The following SNX29 variants were observed in gnomAD, a reference collection of about 807,000 sequenced individuals.
SNX29 encodes the protein sorting nexin-29.
A neutral mutation model predicts 102.1 loss-of-function variants in SNX29; 78 were observed. That is an observed-to-expected ratio of 0.76 (90% CI 0.64 to 0.92). The LOEUF (loss-of-function observed/expected upper bound fraction) is 0.92, where lower values mean the gene tolerates loss of function less well. Among genes scored for constraint, SNX29 ranks in the 40% least tolerant of loss-of-function variants. The probability of loss-of-function intolerance (pLI) is 0.00; values close to 1 mark genes in which losing one functional copy is unlikely to be tolerated. For synonymous variants in SNX29, 580 were observed against 414.5 expected (o/e 1.40, Z -4.85); for missense variants, 1,280 against 1,061.7 (o/e 1.21, Z -2.86).
rs540749241 is a variant in SNX29 at position 12,491,011 on chromosome 16, C to T, written c.2178+13152C>T. On this transcript the variant is annotated intron_variant, in intron 19 of 20. Transcript: ENST00000566228. The stretch of plus-strand genomic sequence containing the variant: ...TTTTTACAGCTTCACATCAATGATA[C>T]TTATTCTTTATGTAGCCTTTCACAA... Among the ~76,000 whole-genome samples, 5 of 152,330 alleles carry T rather than the reference C, an allele frequency of 3.3e-5. No homozygotes were observed. In the East Asian group the frequency reaches 9.6e-4, roughly 29 times the overall value.
At chr16:12,224,655 A>T (rs1410326256) in intron 14 of SNX29, among the ~76,000 whole-genome samples, 1 of 152,242 alleles carries the variant, frequency 6.6e-6, no homozygotes. Flanking sequence ...TAAAGAGCCT[A>T]CATGTGCAAA....
intron 15 of SNX29, among the ~76,000 whole-genome samples, chr16:12,283,380 C>T (rs1026662658): frequency 4.0e-5 from 6 of 148,420 alleles, no homozygotes; most frequent in South Asian, 2.3e-4. Flanking sequence ...AGTGTAGTGG[C>T]GTGATCTTGG....
At position 12,537,327 on chromosome 16, in the gene SNX29, C is replaced by G. The variant is rs188897193; in HGVS notation, c.2318+12486C>G. Among the ~76,000 whole-genome samples, 335 of 152,330 alleles carry G rather than the reference C, an allele frequency of 2.2e-3. 1 individual carries two copies. Among genetic ancestry groups the G allele is most frequent in the African/African-American group, 7.8e-3 (323 of 41,570 alleles). ...TTAGTATAGTGGCTAAGCCAAAGCT[C>G]TGTTAGTAAATTCCTACAGGAGCTC... On this transcript the variant is annotated intron_variant, in intron 20 of 20. Transcript: ENST00000566228.
chr16:12,208,805 C>A (rs1017854202), intron 14 of SNX29, among the ~76,000 whole-genome samples: 4 of 150,596 alleles, frequency 2.7e-5, no homozygotes, highest in African/African-American at 9.8e-5. Flanking sequence ...CATGCTACTG[C>A]ACTCTAGCTT....
intron 18 of SNX29, among the ~76,000 whole-genome samples, chr16:12,446,237 G>A (rs2151694211): frequency 6.6e-6 from 1 of 152,118 alleles, no homozygotes; most frequent in South Asian, 2.1e-4. Flanking sequence ...TGTATTTTTA[G>A]TAGAGACGGG....
chr16:12,052,001 C>G lies in SNX29; in HGVS notation c.903C>G (p.Val301=). The change falls in exon 8 of 21, where the codon GTC becomes GTG. Residue 301 remains valine, a synonymous_variant. Coordinates refer to ENST00000566228, the MANE Select transcript of SNX29 (RefSeq NM_032167.5). ...SSEDNSDRSS[V]NIMSAFESPF... is the part of the protein sequence containing the mutation. Reference sequence around the variant, plus strand: ...AGGACAACTCCGACCGCTCCTCTGTCAATATCATGTCCGCCTTTGAAAGCC... The same window carrying G: ...AGGACAACTCCGACCGCTCCTCTGTGAATATCATGTCCGCCTTTGAAAGCC... 1 of 1,613,946 alleles carries G rather than the reference C, an allele frequency of 6.2e-7. No homozygotes were observed. The highest frequency in any genetic ancestry group is 2.2e-5 in the East Asian group (1 of 44,882).
intron 15 of SNX29, among the ~76,000 whole-genome samples, chr16:12,284,860 G>T (rs1833839113): frequency 6.6e-6 from 1 of 152,032 alleles, no homozygotes; most frequent in Admixed American, 6.6e-5. Context: ...GAGTAGCTGA[G>T]ATTACAGATG....
intron 20 of SNX29, among the ~76,000 whole-genome samples, chr16:12,567,565 C>G (rs1022339573): frequency 2.0e-5 from 3 of 152,002 alleles, no homozygotes; most frequent in Non-Finnish European, 4.4e-5. Flanking sequence ...AAGAGGATCA[C>G]TTGAGACCAG....
intron 20 of SNX29, among the ~76,000 whole-genome samples, chr16:12,543,436 A>G (rs1477536960): frequency 2.6e-5 from 4 of 152,194 alleles, no homozygotes; most frequent in Non-Finnish European, 5.9e-5. Context: ...TGGGTGGGCA[A>G]ACATATGTTC....
intron 19 of SNX29, among the ~76,000 whole-genome samples, chr16:12,489,050 G>A (rs1036143058): frequency 1.3e-5 from 2 of 152,158 alleles, no homozygotes; most frequent in African/African-American, 4.8e-5. Flanking sequence ...AAAGCCTTCT[G>A]AAAAGACTTA....
intron 1 of SNX29, among the ~76,000 whole-genome samples, chr16:11,981,083 T>C (rs1483483745): frequency 6.6e-6 from 1 of 152,002 alleles, no homozygotes; most frequent in Admixed American, 6.6e-5. Flanking sequence ...TTCTCCTGCC[T>C]CAGCCTCTGG....
intron 15 of SNX29, among the ~76,000 whole-genome samples, chr16:12,341,260 C>T (rs1051086693): frequency 6.6e-6 from 1 of 152,222 alleles, no homozygotes; most frequent in African/African-American, 2.4e-5. Context: ...GACTTCACCA[C>T]TTGTGATTTG....
chr16:12,553,502 C>T (rs1597971675), intron 20 of SNX29, among the ~76,000 whole-genome samples: 1 of 151,612 alleles, frequency 6.6e-6, no homozygotes, highest in Non-Finnish European at 1.5e-5. Context: ...GGCAGGTGCA[C>T]ACTTGCCATC....
At chr16:12,082,391 G>C (rs2051945816) in intron 11 of SNX29, among the ~76,000 whole-genome samples, 1 of 152,140 alleles carries the variant, frequency 6.6e-6, no homozygotes, top group African/African-American at 2.4e-5. Flanking sequence ...TGTCAGCTGC[G>C]TCTCAGGTCC....
chr16:12,173,701 G>A (rs1463416244), intron 13 of SNX29, among the ~76,000 whole-genome samples: 1 of 152,216 alleles, frequency 6.6e-6, no homozygotes, highest in Non-Finnish European at 1.5e-5. Flanking sequence ...TCCAACCTCT[G>A]TGATGCCTGC....
chr16:12,048,512 G>A lies in SNX29; in HGVS notation c.640G>A (p.Val214Met). ...CTTGCTGAAGGAGTCCACGCAAGGA[G>A]TGAGCAGCCTGTTCAGGGAGATCAC... ...TSLLKESTQG[V>M]SSLFREITAS... is the part of the protein sequence containing the mutation. The change falls in exon 7 of 21, where the codon GTG (valine) becomes ATG (methionine). Residue 214 changes from valine to methionine, a missense_variant. Physicochemically the swap from Val to Met is conservative, Grantham distance 21. Transcript: ENST00000566228. The A allele has an allele frequency of 1.2e-6, 2 of 1,613,936 alleles. No individual in the cohort carries two copies. Among genetic ancestry groups the A allele is most frequent in the Non-Finnish European group, 1.7e-6 (2 of 1,179,860 alleles).
In SNX29 at chr16:12,568,700, C is replaced by T. The variant is rs577606233; in HGVS notation, c.*71C>T. On this transcript the variant is annotated 3_prime_UTR_variant, in exon 21 of 21. Coordinates refer to ENST00000566228, the MANE Select transcript of SNX29 (RefSeq NM_032167.5). ...CGTCCACCCCAGCCACTGCCGCTGG[C>T]CCCTCACCTCAGCGTGACAACCACG... is the stretch of plus-strand genomic sequence containing the variant. 7.9e-5 allele frequency: 124 copies of T among 1,565,300 alleles called. No individual in the cohort carries two copies. In the African/African-American group the frequency reaches 1.2e-3, roughly 15 times the overall value.
intron 18 of SNX29, among the ~76,000 whole-genome samples, chr16:12,453,556 T>TC (rs2151724939): frequency 6.6e-6 from 1 of 152,280 alleles, no homozygotes; most frequent in African/African-American, 2.4e-5. Context: ...TAATTTTTTT[T>TC]TTTTTTAAGA....
rs772082094 is a variant in SNX29 at position 12,095,720 on chromosome 16, T to C, written c.1402+16805T>C. On this transcript the variant is annotated intron_variant, in intron 11 of 20. Transcript: ENST00000566228. ...GATTGTTGCCTTCTTGCCCCTTTTT[T>C]TGGGGCTGGGGAGTGAAGGTGATAG... Among the ~76,000 whole-genome samples, 32 of 152,200 alleles carry C rather than the reference T, an allele frequency of 2.1e-4. 1 individual carries two copies. The highest frequency in any genetic ancestry group is 8.8e-5 in the Non-Finnish European group (6 of 68,030).
Sources: allele counts gnomAD v4.1 joint callset (sites outside exome capture counted in the v4.1 genomes callset), GRCh38; gene constraint gnomAD v4.1.1; transcripts MANE v1.5; gene names NCBI Gene and HGNC (gene_info 2026-07-23, HGNC 2026-07-21).